The following STPG2 variants were observed in gnomAD, a reference collection of about 807,000 sequenced individuals.
STPG2 encodes the protein sperm tail PG-rich repeat containing 2.
STPG2 carries 56 observed loss-of-function variants against 54.2 expected under a neutral mutation model. That is an observed-to-expected ratio of 1.03 (90% CI 0.83 to 1.29). The LOEUF (loss-of-function observed/expected upper bound fraction) is 1.29. Among genes scored for constraint, STPG2 ranks in the 50% most tolerant of loss-of-function variants. The pLI, the probability that STPG2 is intolerant of heterozygous loss-of-function variation, is 0.00. For synonymous variants in STPG2, 200 were observed against 181.8 expected (o/e 1.10, Z -0.81); for missense variants, 596 against 544.9 (o/e 1.09, Z -0.93).
chr4:97,968,077 T>A (rs1734181614), intron 7 of STPG2, among the ~76,000 whole-genome samples: 1 of 152,114 alleles, frequency 6.6e-6, no homozygotes, highest in African/African-American at 2.4e-5. Flanking sequence ...AGGAGCTGGT[T>A]TTTTGAAAAG....
chr4:97,827,424 A>T (rs1371478264), intron 9 of STPG2, among the ~76,000 whole-genome samples: 1 of 151,666 alleles, frequency 6.6e-6, no homozygotes, highest in East Asian at 1.9e-4. Flanking sequence ...TTTAGTAGAG[A>T]CGGGGCTTCA....
Position 97,602,736 on chromosome 4 carries a change from G to A in STPG2, c.1321-43619C>T, listed in dbSNP as rs529617752. Among the ~76,000 whole-genome samples, 3 of 151,726 alleles carry A rather than the reference G, an allele frequency of 2.0e-5. No homozygotes were observed. In the East Asian group the frequency reaches 5.8e-4, roughly 29 times the overall value. On this transcript the variant is annotated intron_variant, in intron 10 of 10. Coordinates refer to ENST00000295268, the MANE Select transcript of STPG2 (RefSeq NM_174952.3). Reference sequence around the variant, plus strand: ...TCTTCTAACATATTAATGCACAAATGTATTTTCTAATCCTCCATTATCTTA... The same window carrying A: ...TCTTCTAACATATTAATGCACAAATATATTTTCTAATCCTCCATTATCTTA...
chr4:98,051,667 C>A (rs535718828), intron 5 of STPG2, among the ~76,000 whole-genome samples: 1 of 152,036 alleles, frequency 6.6e-6, no homozygotes, highest in African/African-American at 2.4e-5. Context: ...TATAAGTTAC[C>A]TAGTTTGTAA....
At chr4:97,914,982 C>T (rs924889846) in intron 8 of STPG2, among the ~76,000 whole-genome samples, 6 of 152,152 alleles carry the variant, frequency 3.9e-5, no homozygotes, top group African/African-American at 1.4e-4. Flanking sequence ...TATAGCACGT[C>T]AGAATTTCAT....
chr4:97,445,407 C>A (rs1475971939), intron 4 of STPG2, among the ~76,000 whole-genome samples: 1 of 152,048 alleles, frequency 6.6e-6, no homozygotes, highest in Non-Finnish European at 1.5e-5. Context: ...ATTTGAGCCA[C>A]AAAAGTAATT....
chr4:98,039,747 T>C (rs891865345), intron 5 of STPG2, among the ~76,000 whole-genome samples: 4 of 151,610 alleles, frequency 2.6e-5, no homozygotes, highest in Non-Finnish European at 4.4e-5. Flanking sequence ...CTTAGGTTGA[T>C]TCCATGACTT....
At chr4:97,712,470 T>C (rs1724154296) in intron 10 of STPG2, among the ~76,000 whole-genome samples, 1 of 152,140 alleles carries the variant, frequency 6.6e-6, no homozygotes, top group Non-Finnish European at 1.5e-5. Flanking sequence ...ATATGAATAC[T>C]GCAAAGCATA....
intron 3 of STPG2, among the ~76,000 whole-genome samples, chr4:98,120,672 T>C (rs1246118545): frequency 1.3e-5 from 2 of 152,176 alleles, no homozygotes; most frequent in African/African-American, 2.4e-5. Context: ...AGTGATGAGC[T>C]TTTTTGTATA....
At chr4:97,762,678 A>G (rs563277641) in intron 9 of STPG2, among the ~76,000 whole-genome samples, 36 of 152,276 alleles carry the variant, frequency 2.4e-4, no homozygotes, top group African/African-American at 8.2e-4. Flanking sequence ...AGTATTCCAC[A>G]CTAACTTCAA....
At chr4:97,911,766 G>A (rs915330847) in intron 8 of STPG2, among the ~76,000 whole-genome samples, 1 of 152,122 alleles carries the variant, frequency 6.6e-6, no homozygotes, top group Non-Finnish European at 1.5e-5. Flanking sequence ...CCTGCCTGCC[G>A]GCTGTGGAGA....
chr4:97,916,235 C>G (rs1353964214), intron 8 of STPG2: 2 of 152,482 alleles, frequency 1.3e-5, no homozygotes, highest in Admixed American at 1.3e-4. Context: ...GACTTTAAAC[C>G]TGGATTAGTA....
At chr4:97,464,524 C>T (rs1729743754) in intron 4 of STPG2, among the ~76,000 whole-genome samples, 1 of 152,232 alleles carries the variant, frequency 6.6e-6, no homozygotes. Flanking sequence ...TTAAGCAATT[C>T]TCCTGCCTCA....
In STPG2 at chr4:97,720,137, G is replaced by A. The variant is rs543727796; in HGVS notation, c.1205-7323C>T. Among the ~76,000 whole-genome samples, 29 of 151,948 alleles carry A rather than the reference G, an allele frequency of 1.9e-4. No individual in the cohort carries two copies. The South Asian group carries it at 5.8e-3, about 30-fold the overall frequency. ...ATATTTTCATCTCTATGTTATTTTA[G>A]CCTATTATTTCTAGAATAAATCTTA... On this transcript the variant is annotated intron_variant, in intron 9 of 10. Transcript: ENST00000295268.
At chr4:97,486,240 A>T (rs1405185717) in intron 4 of STPG2, among the ~76,000 whole-genome samples, 3 of 151,902 alleles carry the variant, frequency 2.0e-5, no homozygotes, top group Admixed American at 6.6e-5. Context: ...AAGGCAACCC[A>T]TAGAGTGGGA....
intron 7 of STPG2, among the ~76,000 whole-genome samples, chr4:97,965,469 A>G (rs1734063610): frequency 6.6e-6 from 1 of 152,214 alleles, no homozygotes; most frequent in African/African-American, 2.4e-5. Context: ...TCCCTGTCTG[A>G]CAACTCTGAA....
intron 9 of STPG2, among the ~76,000 whole-genome samples, chr4:97,783,905 C>A (rs1161795876): frequency 6.6e-6 from 1 of 151,684 alleles, no homozygotes; most frequent in Non-Finnish European, 1.5e-5. Context: ...ACATCACACA[C>A]TGCGGCCAGT....
chr4:97,761,166 C>G (rs946093651), intron 9 of STPG2, among the ~76,000 whole-genome samples: 8 of 152,036 alleles, frequency 5.3e-5, no homozygotes, highest in Non-Finnish European at 1.2e-4. Context: ...ATTGTGCCCC[C>G]CAAAAAAATA....
rs539688552 is a variant in STPG2, at chr4:97,828,773, C to T, written c.1204+12000G>A. Among the ~76,000 whole-genome samples the T allele has an allele frequency of 3.6e-4, 55 of 152,244 alleles. 1 individual carries two copies. In the South Asian group the frequency reaches 6.2e-3, roughly 17 times the overall value. On this transcript the variant is annotated intron_variant, in intron 9 of 10. Transcript: ENST00000295268. ...TTATCCTCACAGTGTAAACGAAGTTCGAACTGGGTGGAGCCCACCACAGCT... is the reference window on the plus strand; with the variant it reads ...TTATCCTCACAGTGTAAACGAAGTTTGAACTGGGTGGAGCCCACCACAGCT...
intron 8 of STPG2, among the ~76,000 whole-genome samples, chr4:97,851,119 A>C (rs1729146773): frequency 6.6e-6 from 1 of 152,122 alleles, no homozygotes; most frequent in Admixed American, 6.6e-5. Context: ...ACAGCTCTTA[A>C]GTTTGTAGCA....
Sources: gnomAD v4.1 joint callset for allele counts (sites outside exome capture counted in the v4.1 genomes callset) on GRCh38, gnomAD v4.1.1 for gene constraint, MANE v1.5 for transcripts, NCBI Gene and HGNC (gene_info 2026-07-23, HGNC 2026-07-21) for gene names.